OXA1L: variants seen among roughly 807,000 people sequenced by gnomAD.
The protein encoded by OXA1L is OXA1L mitochondrial inner membrane insertase.
Under a neutral mutation model 52.2 loss-of-function variants are expected in OXA1L, and 42 were observed. The observed-to-expected ratio is 0.80, with a 90% CI of 0.63 to 1.04. The LOEUF (loss-of-function observed/expected upper bound fraction) is 1.04. Ranked by LOEUF, OXA1L falls within the 50% of genes least tolerant of loss-of-function variation. OXA1L has a pLI of 0.00. For missense variants in OXA1L, 572 were observed against 555.0 expected, an observed-to-expected ratio of 1.03 and a Z score of -0.31; for synonymous variants, 239 against 201.9, an observed-to-expected ratio of 1.18 and a Z score of -1.56.
chr14:22,770,478 C>T lies in OXA1L; in HGVS notation c.687C>T (p.Ser229=), dbSNP rs748454502. Reference sequence around the variant, plus strand: ...TGTAATAGGCCCCAATCTTCATCTCCTTCTTCATTGCTTTGAGAGAGATGG... The same window carrying T: ...TGTAATAGGCCCCAATCTTCATCTCTTTCTTCATTGCTTTGAGAGAGATGG... ...LPVTQAPIFI[S]FFIALREMAN... Residue 229 remains serine, a synonymous_variant, in exon 6 of 10, where the codon TCC becomes TCT. Coordinates refer to ENST00000612549, the MANE Select transcript of OXA1L (RefSeq NM_005015.5). The T allele has an allele frequency of 8.1e-6, 13 of 1,613,732 alleles. No individual in the cohort carries two copies. Among genetic ancestry groups the T allele is most frequent in the South Asian group, 3.3e-5 (3 of 91,068 alleles).
chr14:22,769,639 A>G, intron 3 of OXA1L, 152 bp from the exon 4 acceptor site: 1 of 747,262 alleles, frequency 1.3e-6, no homozygotes, highest in South Asian at 1.9e-5. Flanking sequence ...CAACTAATTC[A>G]TTCCCCTGAC....
In OXA1L at chr14:22,770,473, A is replaced by G. The variant is rs2038448648; in HGVS notation, c.682A>G (p.Ile228Val). 6.2e-7 allele frequency: 1 copy of G among 1,613,612 alleles called. No individual in the cohort carries two copies. The highest frequency in any genetic ancestry group is 8.5e-7 in the Non-Finnish European group (1 of 1,179,558). Reference protein sequence around the residue: ...ILPVTQAPIFISFFIALREMA... With the variant: ...ILPVTQAPIFVSFFIALREMA... ...TCTTGTGTAATAGGCCCCAATCTTC[A>G]TCTCCTTCTTCATTGCTTTGAGAGA... The change falls in exon 6 of 10, where the codon ATC (isoleucine) becomes GTC (valine). Residue 228 changes from isoleucine to valine, a missense_variant. Coordinates refer to ENST00000612549, the MANE Select transcript of OXA1L (RefSeq NM_005015.5).
intron 4 of OXA1L, 112 bp from the exon 5 acceptor site, chr14:22,770,081 C>G (rs1449299873): frequency 2.5e-5 from 34 of 1,345,874 alleles, no homozygotes; most frequent in Non-Finnish European, 3.3e-5. Context: ...CTAATGCTCC[C>G]AAGGAGTGGC....
Position 22,771,822 on chromosome 14 carries a change from G to T in OXA1L, c.*264G>T. 2.6e-6 allele frequency: 1 copy of T among 389,152 alleles called. No homozygotes were observed. The highest frequency in any genetic ancestry group is 4.7e-6 in the Non-Finnish European group (1 of 214,804). The allele number at this position is 389,152 out of a possible 1,614,324, so 24.1% of individuals were successfully genotyped here. A position where few individuals can be genotyped will look rare whatever the true frequency, so the allele number is the denominator to read the frequency against. ...ATACTTATTGAACAGGGAAATCAGT[G>T]TGCACTTCAGAAAACTGAAGAATAC... is the stretch of plus-strand genomic sequence containing the variant. On this transcript the variant is annotated 3_prime_UTR_variant, in exon 10 of 10. Coordinates refer to ENST00000612549, the MANE Select transcript of OXA1L (RefSeq NM_005015.5).
rs1205477460 is a variant in OXA1L at position 22,772,228 on chromosome 14, A to T, written c.*670A>T. 1 of 125,376 alleles carries T rather than the reference A, an allele frequency of 8.0e-6. No individual in the cohort carries two copies. Among genetic ancestry groups the T allele is most frequent in the Non-Finnish European group, 1.9e-5 (1 of 53,300 alleles). 7.8% of individuals were successfully genotyped at this position (125,376 alleles called of 1,614,324 possible). On this transcript the variant is annotated 3_prime_UTR_variant, in exon 10 of 10. Transcript: ENST00000612549. ...CCCAGGCGCAGTGGCTCACGCCAGT[A>T]ATCCCAGCACTTTTGGGAGGCCAAG...
chr14:22,766,690 C>A lies in OXA1L; in HGVS notation c.-12C>A. The A allele has an allele frequency of 6.2e-7, 1 of 1,614,278 alleles. No homozygotes were observed. The highest frequency in any genetic ancestry group is 8.5e-7 in the Non-Finnish European group (1 of 1,180,054). On this transcript the variant is annotated 5_prime_UTR_variant, in exon 1 of 10. Coordinates refer to ENST00000612549, the MANE Select transcript of OXA1L (RefSeq NM_005015.5). ...CTGCGCAGGCGCAAAAGCAAGTCCT[C>A]TTCCGGGCAAAATGGCGATGGGACT...
In OXA1L at chr14:22,772,730, C is replaced by T. The variant is rs2139379569; in HGVS notation, c.*1172C>T. 6.6e-6 allele frequency: 1 copy of T among 152,514 alleles called. No homozygotes were observed. Among genetic ancestry groups the T allele is most frequent in the Non-Finnish European group, 1.5e-5 (1 of 68,232 alleles). 9.4% of individuals were successfully genotyped at this position (152,514 alleles called of 1,614,324 possible). A position where few individuals can be genotyped will look rare whatever the true frequency, so the allele number is the denominator to read the frequency against. On this transcript the variant is annotated 3_prime_UTR_variant, in exon 10 of 10. Coordinates refer to ENST00000612549, the MANE Select transcript of OXA1L (RefSeq NM_005015.5). ...GAAAGTTCCAGGCTGGGCAAAGTGG[C>T]TCACACCTATAATCTCAGCACTTTG...
chr14:22,772,592 A>T lies in OXA1L; in HGVS notation c.*1034A>T, dbSNP rs1388998290. ...ATTGCAGTCTAGAGGTGTGGCTGAT[A>T]AGTTGAATGTTGAGATTGTATCTAA... is the stretch of plus-strand genomic sequence containing the variant. On this transcript the variant is annotated 3_prime_UTR_variant, in exon 10 of 10. Coordinates refer to ENST00000612549, the MANE Select transcript of OXA1L (RefSeq NM_005015.5). 1 of 151,204 alleles carries T rather than the reference A, an allele frequency of 6.6e-6. No individual in the cohort carries two copies. Among genetic ancestry groups the T allele is most frequent in the African/African-American group, 2.4e-5 (1 of 41,008 alleles). The allele number at this position is 151,204 out of a possible 1,614,324, so 9.4% of individuals were successfully genotyped here.
At position 22,771,335 on chromosome 14, in the gene OXA1L, G is replaced by A; in HGVS notation, c.1170G>A (p.Glu390=). 6.2e-7 allele frequency: 1 copy of A among 1,614,226 alleles called. No homozygotes were observed. The highest frequency in any genetic ancestry group is 8.5e-7 in the Non-Finnish European group (1 of 1,179,994). The change falls in exon 9 of 10, where the codon GAG becomes GAA. Residue 390 remains glutamate (E), a synonymous_variant. Coordinates refer to ENST00000612549, the MANE Select transcript of OXA1L (RefSeq NM_005015.5). ...EREQRMRNQL[E]LAARGPLRQT... is the part of the protein sequence containing the mutation. Reference sequence around the variant, plus strand: ...AACAACGCATGCGGAATCAGTTGGAGCTAGCAGCCAGGGGTAAATAGTCCT... The same window carrying A: ...AACAACGCATGCGGAATCAGTTGGAACTAGCAGCCAGGGGTAAATAGTCCT...
rs750696282 is a variant in OXA1L at position 22,769,953 on chromosome 14, G to A, written c.583+19G>A. 1 of 1,613,372 alleles carries A rather than the reference G, an allele frequency of 6.2e-7. No individual in the cohort carries two copies. The highest frequency in any genetic ancestry group is 1.7e-4 in the Middle Eastern group (1 of 6,060). On this transcript the variant is annotated intron_variant, in intron 4 of 9. Transcript: ENST00000612549. Reference sequence around the variant, plus strand: ...ATTGAGTGTGAGTCAGTTGCAGAATGAGCGTGGGAGAAGTCCACATTTGCA... The same window carrying A: ...ATTGAGTGTGAGTCAGTTGCAGAATAAGCGTGGGAGAAGTCCACATTTGCA...
Sources: gnomAD v4.1 joint callset for allele counts on GRCh38, gnomAD v4.1.1 for gene constraint, MANE v1.5 for transcripts, NCBI Gene and HGNC (gene_info 2026-07-23, HGNC 2026-07-21) for gene names.